The following RCBTB1 variants were observed in gnomAD, a reference collection of about 807,000 sequenced individuals.
The protein encoded by RCBTB1 is RCC1 and BTB domain containing protein 1.
In RCBTB1, 46 loss-of-function variants were observed where a neutral mutation model predicts 62.4. The observed-to-expected ratio is 0.74, with a 90% CI of 0.58 to 0.94. The LOEUF (loss-of-function observed/expected upper bound fraction) is 0.94, where lower values mean the gene tolerates loss of function less well. Ranked by LOEUF, RCBTB1 falls within the 40% of genes least tolerant of loss-of-function variation. The pLI is 0.00. For missense variants in RCBTB1, 565 were observed against 654.9 expected (o/e 0.86, Z 1.50); for synonymous variants, 222 against 245.8 (o/e 0.90, Z 0.91).
At chr13:49,538,818 GTCT>G (rs140538533) in intron 12 of RCBTB1, among the ~76,000 whole-genome samples, 2,581 of 150,574 alleles carry the variant, frequency 0.017, 90 homozygotes, top group East Asian at 0.13. Context: ...CTTTCTTTTT[GTCT>G]TCTTTCTATT....
intron 10 of RCBTB1, among the ~76,000 whole-genome samples, chr13:49,543,256 T>A (rs1366451684): frequency 2.0e-5 from 3 of 151,460 alleles, no homozygotes; most frequent in East Asian, 1.9e-4. Context: ...AGAATGAGTC[T>A]CTGTCTCAAA....
rs1298888849 is a variant in RCBTB1, at chr13:49,585,512, G to A, written c.-190C>T. On this transcript the variant is annotated 5_prime_UTR_variant, in exon 1 of 13. Coordinates refer to ENST00000378302, the MANE Select transcript of RCBTB1 (RefSeq NM_018191.4). ...GATCTCCGAAGCTCCAATGGGCGCA[G>A]AAGTGCGAGCGAGCGGCGGTGCCCA... 1.3e-5 allele frequency: 2 copies of A among 152,214 alleles called. No homozygotes were observed. Among genetic ancestry groups the A allele is most frequent in the African/African-American group, 4.8e-5 (2 of 41,460 alleles). The allele number at this position is 152,214 out of a possible 1,614,324, so 9.4% of individuals were successfully genotyped here.
chr13:49,552,134 G>T, intron 7 of RCBTB1, 44 bp downstream of exon 7: 1 of 1,239,030 alleles, frequency 8.1e-7, no homozygotes. Context: ...TTAGAGCAAG[G>T]AAGGTAGATG....
In RCBTB1 at chr13:49,540,985, G is replaced by T. The variant is rs1397329361; in HGVS notation, c.1346C>A (p.Ser449Tyr). Residue 449 changes from serine (S) to tyrosine (Y), a missense_variant, in exon 12 of 13, where the codon TCT becomes TAT. Coordinates refer to ENST00000378302, the MANE Select transcript of RCBTB1 (RefSeq NM_018191.4). Reference sequence around the variant, plus strand: ...TTTTTTCAGTCTGTTTTCACAGTAAGATGTCGCCAAATCCAGAAGACCTAA... The same window carrying T: ...TTTTTTCAGTCTGTTTTCACAGTAATATGTCGCCAAATCCAGAAGACCTAA... ...DAIGLLDLAT[S>Y]YCENRLKKLC... is the part of the protein sequence containing the mutation. 1 of 1,612,580 alleles carries T rather than the reference G, an allele frequency of 6.2e-7. No homozygotes were observed.
chr13:49,573,129 A>G (rs773414538), intron 2 of RCBTB1, among the ~76,000 whole-genome samples: 9 of 152,208 alleles, frequency 5.9e-5, no homozygotes, highest in African/African-American at 2.4e-5. Context: ...CCCAAATTCA[A>G]AACAAAACCA....
At chr13:49,548,420 T>C (rs1018602266) in intron 9 of RCBTB1, among the ~76,000 whole-genome samples, 2 of 149,444 alleles carry the variant, frequency 1.3e-5, no homozygotes, top group African/African-American at 4.9e-5. Context: ...AGAAAGTTCA[T>C]CTTTGATTGG....
intron 9 of RCBTB1, among the ~76,000 whole-genome samples, 170 bp from the exon 10 acceptor site, chr13:49,545,033 G>A (rs912658468): frequency 6.6e-6 from 1 of 151,296 alleles, no homozygotes; most frequent in Non-Finnish European, 1.5e-5. Context: ...TAAGTATCCT[G>A]CATCTATAAA....
At chr13:49,539,788 A>G (rs1464953548) in intron 12 of RCBTB1, among the ~76,000 whole-genome samples, 1 of 152,220 alleles carries the variant, frequency 6.6e-6, no homozygotes. Flanking sequence ...GGCTGCAGAC[A>G]AAGTCAGCTA....
chr13:49,569,313 C>T (rs1963237745), intron 2 of RCBTB1, among the ~76,000 whole-genome samples: 1 of 152,200 alleles, frequency 6.6e-6, no homozygotes, highest in Non-Finnish European at 1.5e-5. Flanking sequence ...GTAGCTCACG[C>T]CTGTAATCCT....
intron 8 of RCBTB1, 85 bp downstream of exon 8, chr13:49,551,241 C>T: frequency 2.0e-6 from 3 of 1,476,270 alleles, no homozygotes; most frequent in Non-Finnish European, 2.8e-6. Flanking sequence ...AGAAGAATCA[C>T]AAAGCCAAAC....
chr13:49,537,559 A>G (rs181613767), intron 12 of RCBTB1, among the ~76,000 whole-genome samples: 71 of 152,352 alleles, frequency 4.7e-4, no homozygotes, highest in African/African-American at 1.6e-3. Flanking sequence ...ATCGTAAGAT[A>G]TAAGTTGCTT....
intron 12 of RCBTB1, among the ~76,000 whole-genome samples, chr13:49,539,003 G>A (rs906421266): frequency 9.9e-5 from 15 of 151,324 alleles, no homozygotes; most frequent in Non-Finnish European, 2.2e-4. Context: ...CCGAATAGCT[G>A]GGATTACAGG....
intron 2 of RCBTB1, among the ~76,000 whole-genome samples, chr13:49,572,268 A>C (rs1233845368): frequency 6.6e-6 from 1 of 151,632 alleles, no homozygotes; most frequent in Non-Finnish European, 1.5e-5. Context: ...TGGAGGTTGC[A>C]GTGAGCCGAG....
At chr13:49,544,931 A>C in intron 9 of RCBTB1, 68 bp from the exon 10 acceptor site, 4 of 1,354,050 alleles carry the variant, frequency 3.0e-6, no homozygotes, top group East Asian at 2.3e-5. Flanking sequence ...AAAGACTTCA[A>C]AAAGATCATC....
chr13:49,566,061 A>T (rs1392379886), intron 4 of RCBTB1, among the ~76,000 whole-genome samples: 1 of 145,648 alleles, frequency 6.9e-6, no homozygotes, highest in African/African-American at 2.6e-5. Flanking sequence ...GCTTGAAGGC[A>T]GCATGCTCGT....
At chr13:49,580,250 A>G (rs936362377) in intron 2 of RCBTB1, among the ~76,000 whole-genome samples, 6 of 152,188 alleles carry the variant, frequency 3.9e-5, no homozygotes, top group African/African-American at 1.4e-4. Context: ...CAGGTGTCAC[A>G]AAACAGAACA....
chr13:49,550,167 CAG>C (rs1435690727), intron 8 of RCBTB1, among the ~76,000 whole-genome samples: 2 of 151,994 alleles, frequency 1.3e-5, no homozygotes, highest in African/African-American at 2.4e-5. Context: ...TTTATAGAGA[CAG>C]AGTCTCGCTA....
At chr13:49,565,037 T>A (rs1269199050) in intron 4 of RCBTB1, among the ~76,000 whole-genome samples, 1 of 152,184 alleles carries the variant, frequency 6.6e-6, no homozygotes, top group Non-Finnish European at 1.5e-5. Context: ...CCTCTCCCTC[T>A]CTTTCCACGG....
intron 1 of RCBTB1, among the ~76,000 whole-genome samples, chr13:49,583,974 T>C (rs904753322): frequency 6.6e-6 from 1 of 152,186 alleles, no homozygotes; most frequent in Non-Finnish European, 1.5e-5. Flanking sequence ...CTGTTTAATG[T>C]AGTACACACA....
Sources: allele counts gnomAD v4.1 joint callset (sites outside exome capture counted in the v4.1 genomes callset), GRCh38; gene constraint gnomAD v4.1.1; transcripts MANE v1.5; gene names NCBI Gene and HGNC (gene_info 2026-07-23, HGNC 2026-07-21).